The following ATR variants were observed in gnomAD, a reference collection of about 807,000 sequenced individuals.
ATR encodes serine/threonine-protein kinase ATR.
In ATR, 142 loss-of-function variants were observed where a neutral mutation model predicts 305.3. That is an observed-to-expected ratio of 0.47 (90% CI 0.41 to 0.53). The LOEUF (loss-of-function observed/expected upper bound fraction) is 0.53. Ranked by LOEUF, ATR falls within the 20% of genes least tolerant of loss-of-function variation. The pLI is 0.00. For missense variants in ATR, 2,135 were observed against 3,133.1 expected (o/e 0.68, Z 7.60); for synonymous variants, 1,050 against 1,068.1 (o/e 0.98, Z 0.33).
chr3:142,458,310 T>G (rs1333112231), intron 44 of ATR, among the ~76,000 whole-genome samples: 1 of 152,208 alleles, frequency 6.6e-6, no homozygotes, highest in African/African-American at 2.4e-5. Context: ...ATTCCTCTCT[T>G]GTATGGTTTA....
chr3:142,534,172 G>A (rs2033767728), intron 21 of ATR, among the ~76,000 whole-genome samples: 1 of 152,114 alleles, frequency 6.6e-6, no homozygotes, highest in African/African-American at 2.4e-5. Flanking sequence ...TATGGGGCTA[G>A]GGGCAAGCAC....
At chr3:142,501,031 A>G (rs535849331) in intron 30 of ATR, among the ~76,000 whole-genome samples, 6 of 152,360 alleles carry the variant, frequency 3.9e-5, no homozygotes, top group African/African-American at 1.2e-4. Flanking sequence ...AAAGAATGAT[A>G]AATAGGGCAG....
intron 29 of ATR, among the ~76,000 whole-genome samples, chr3:142,504,334 C>T (rs929566286): frequency 1.3e-5 from 2 of 152,116 alleles, no homozygotes; most frequent in African/African-American, 4.8e-5. Flanking sequence ...ATGGCTTACA[C>T]TTTTAATAGC....
intron 45 of ATR, among the ~76,000 whole-genome samples, chr3:142,456,528 C>T (rs983662452): frequency 6.6e-6 from 1 of 151,780 alleles, no homozygotes; most frequent in Non-Finnish European, 1.5e-5. Flanking sequence ...GCCAAGATCA[C>T]GCCACTGCAC....
At chr3:142,487,021 A>G (rs2030983530) in intron 35 of ATR, among the ~76,000 whole-genome samples, 1 of 150,942 alleles carries the variant, frequency 6.6e-6, no homozygotes, top group African/African-American at 2.4e-5. Context: ...AGTCCCAGCT[A>G]CTCGGGAGGC....
chr3:142,565,733 T>TA (rs55690216), intron 3 of ATR, among the ~76,000 whole-genome samples: 5,257 of 79,204 alleles, frequency 0.066, 512 homozygotes, highest in African/African-American at 0.23. Context: ...CTGTCTTATT[T>TA]AAAAAAAAAA....
rs202055894 is a variant in ATR at position 142,524,307 on chromosome 3, C to T, written c.3946-108G>A. On this transcript the variant is annotated intron_variant, in intron 21 of 46. Transcript: ENST00000350721. ...AAGGAATATCTAACATAAATATTGA[C>T]AAAATTAAATTTCTGTATCTGCAAT... 9.0e-5 allele frequency: 102 copies of T among 1,131,088 alleles called. No homozygotes were observed. In the East Asian group the frequency reaches 2.6e-3, roughly 29 times the overall value. 70.1% of individuals were successfully genotyped at this position (1,131,088 alleles called of 1,614,324 possible). A position where few individuals can be genotyped will look rare whatever the true frequency, so the allele number is the denominator to read the frequency against.
At chr3:142,496,172 G>GCTATGGTA (rs1313871184) in intron 34 of ATR, among the ~76,000 whole-genome samples, 189 bp downstream of exon 34, 1 of 150,448 alleles carries the variant, frequency 6.6e-6, no homozygotes, top group Non-Finnish European at 1.5e-5. Context: ...TTACTTCCAG[G>GCTATGGTA]CTATGGTAGA....
intron 1 of ATR, among the ~76,000 whole-genome samples, chr3:142,576,570 G>T (rs1206807635): frequency 1.3e-5 from 2 of 152,138 alleles, no homozygotes; most frequent in Non-Finnish European, 2.9e-5. Context: ...CTACTTCAAT[G>T]AATAAGAGAA....
chr3:142,488,176 G>A (rs1308521306), intron 35 of ATR, among the ~76,000 whole-genome samples: 1 of 152,124 alleles, frequency 6.6e-6, no homozygotes, highest in African/African-American at 2.4e-5. Flanking sequence ...AGTTGACAGT[G>A]GTGGTGTTTC....
chr3:142,482,940 G>A (rs565977860), intron 36 of ATR, among the ~76,000 whole-genome samples: 10 of 143,032 alleles, frequency 7.0e-5, no homozygotes, highest in South Asian at 2.2e-4. Flanking sequence ...TTTTTTTCTC[G>A]TGTGACACAG....
intron 41 of ATR, among the ~76,000 whole-genome samples, chr3:142,464,070 T>G (rs1196774411): frequency 6.6e-6 from 1 of 152,206 alleles, no homozygotes; most frequent in East Asian, 1.9e-4. Context: ...ATCTTTGAGA[T>G]AGAAATCAAA....
intron 20 of ATR, among the ~76,000 whole-genome samples, chr3:142,535,448 C>T (rs960267497): frequency 6.6e-6 from 1 of 152,102 alleles, no homozygotes; most frequent in African/African-American, 2.4e-5. Context: ...TAAGAATTTA[C>T]TTCTCTAAAA....
intron 21 of ATR, among the ~76,000 whole-genome samples, chr3:142,528,545 AAT>A (rs2033492725): frequency 6.6e-6 from 1 of 151,994 alleles, no homozygotes; most frequent in African/African-American, 2.4e-5. Context: ...TTATCTGGAT[AAT>A]TTTTGCTTAT....
At chr3:142,486,619 T>TCCTC (rs145070181) in intron 35 of ATR, among the ~76,000 whole-genome samples, 2,716 of 152,248 alleles carry the variant, frequency 0.018, 27 homozygotes, top group South Asian at 0.04. Context: ...AAAATCTCCT[T>TCCTC]CCTCCCTCTC....
chr3:142,562,017 T>C (rs774767717), intron 4 of ATR, among the ~76,000 whole-genome samples: 3 of 152,190 alleles, frequency 2.0e-5, no homozygotes, highest in Non-Finnish European at 4.4e-5. Flanking sequence ...TCTACTCCAT[T>C]GGCAGTTCAT....
intron 8 of ATR, among the ~76,000 whole-genome samples, chr3:142,557,209 G>A (rs980518846): frequency 6.6e-6 from 1 of 151,638 alleles, no homozygotes; most frequent in South Asian, 2.1e-4. Context: ...AATCAAAGAC[G>A]CTCCATTTCT....
intron 36 of ATR, among the ~76,000 whole-genome samples, chr3:142,471,143 C>T (rs936309698): frequency 6.6e-6 from 1 of 152,136 alleles, no homozygotes; most frequent in Non-Finnish European, 1.5e-5. Flanking sequence ...CACCATTGTA[C>T]TTTCTGTCTT....
At chr3:142,499,248 T>C (rs1253215462) in intron 31 of ATR, 1 of 313,776 alleles carries the variant, frequency 3.2e-6, no homozygotes, top group East Asian at 8.3e-5. Flanking sequence ...TAAGTATGAA[T>C]GTTGCTAAGT....
Sources: allele counts gnomAD v4.1 joint callset (sites outside exome capture counted in the v4.1 genomes callset), GRCh38; gene constraint gnomAD v4.1.1; transcripts MANE v1.5; gene names NCBI Gene and HGNC (gene_info 2026-07-23, HGNC 2026-07-21).